Variants in ANGPT1 observed in about 807,000 individuals in gnomAD.
ANGPT1 encodes angiopoietin-1.
In ANGPT1, 17 loss-of-function variants were observed where a neutral mutation model predicts 62.2. That is an observed-to-expected ratio of 0.27 (90% CI 0.19 to 0.41). ANGPT1 has a LOEUF of 0.41. Ranked by LOEUF, ANGPT1 falls within the 10% of genes least tolerant of loss-of-function variation. The pLI is 1.00. For missense variants in ANGPT1, 478 were observed against 594.9 expected, an observed-to-expected ratio of 0.80 and a Z score of 2.04; for synonymous variants, 199 against 198.9, an observed-to-expected ratio of 1.00 and a Z score of 0.00.
intron 1 of ANGPT1, among the ~76,000 whole-genome samples, chr8:107,352,749 G>C (rs1359521909): frequency 1.3e-5 from 2 of 152,108 alleles, no homozygotes; most frequent in Non-Finnish European, 2.9e-5. Flanking sequence ...ATATGGTGCA[G>C]ATTAAATGGA....
rs1242068663 is a variant in ANGPT1 at position 107,479,810 on chromosome 8, T to C, written c.297+17452A>G. On this transcript the variant is annotated intron_variant, in intron 1 of 8. Transcript: ENST00000517746. ...AGCACTTCAATTTGATATTGTGGAA[T>C]TCAGAGTGTGGATGGTCTATGAAGC... Among the ~76,000 whole-genome samples the C allele has an allele frequency of 2.6e-5, 4 of 152,206 alleles. No individual in the cohort carries two copies. The East Asian group carries it at 7.7e-4, about 29-fold the overall frequency.
chr8:107,296,939 A>G (rs1280807307), intron 5 of ANGPT1, among the ~76,000 whole-genome samples: 3 of 152,046 alleles, frequency 2.0e-5, no homozygotes, highest in African/African-American at 7.2e-5. Context: ...TTAAAACTCT[A>G]TGCACTTAGT....
At chr8:107,321,675 C>T (rs1349875868) in intron 4 of ANGPT1, among the ~76,000 whole-genome samples, 1 of 152,060 alleles carries the variant, frequency 6.6e-6, no homozygotes, top group Non-Finnish European at 1.5e-5. Flanking sequence ...AAAGCTCTTT[C>T]AGAAAGACAT....
At chr8:107,355,643 C>T (rs1163659307) in intron 1 of ANGPT1, among the ~76,000 whole-genome samples, 1 of 152,058 alleles carries the variant, frequency 6.6e-6, no homozygotes, top group Non-Finnish European at 1.5e-5. Context: ...GACTTTGCTC[C>T]AACTGGAATG....
chr8:107,260,233 T>C (rs2130017214), intron 8 of ANGPT1, among the ~76,000 whole-genome samples: 1 of 152,226 alleles, frequency 6.6e-6, no homozygotes, highest in South Asian at 2.1e-4. Context: ...GATACCAGAT[T>C]CTCCAGCTAG....
chr8:107,353,851 A>C (rs956427866), intron 1 of ANGPT1, among the ~76,000 whole-genome samples: 2 of 152,026 alleles, frequency 1.3e-5, no homozygotes. Context: ...TCTGCCTCTG[A>C]CTATGTTTCT....
chr8:107,381,821 C>CAGGG, intron 1 of ANGPT1, among the ~76,000 whole-genome samples: 1 of 152,296 alleles, frequency 6.6e-6, no homozygotes, highest in South Asian at 2.1e-4. Context: ...GCAAGCCCTA[C>CAGGG]AGGGTATTAA....
In ANGPT1 at chr8:107,251,137, C is replaced by T. The variant is rs976228472; in HGVS notation, c.*718G>A. 6.6e-6 allele frequency: 1 copy of T among 152,046 alleles called. No homozygotes were observed. Among genetic ancestry groups the T allele is most frequent in the African/African-American group, 2.4e-5 (1 of 41,424 alleles). The allele number at this position is 152,046 out of a possible 1,614,324, so 9.4% of individuals were successfully genotyped here. A position where few individuals can be genotyped will look rare whatever the true frequency, so the allele number is the denominator to read the frequency against. On this transcript the variant is annotated 3_prime_UTR_variant, in exon 9 of 9. Coordinates refer to ENST00000517746, the MANE Select transcript of ANGPT1 (RefSeq NM_001146.5). ...ACATACATCCTTACTTGATTATGTTCATTTCTTTTTCTGAAAACTGTATCA... is the reference window on the plus strand; with the variant it reads ...ACATACATCCTTACTTGATTATGTTTATTTCTTTTTCTGAAAACTGTATCA...
rs186406242 is a variant in ANGPT1 at position 107,496,953 on chromosome 8, C to T, written c.297+309G>A. On this transcript the variant is annotated intron_variant, in intron 1 of 8. Coordinates refer to ENST00000517746, the MANE Select transcript of ANGPT1 (RefSeq NM_001146.5). ...TGCTTAAGAGGTACATACTTTCTTT[C>T]TTAAGGTAGTGTTTTGACAGAGAGA... Among the ~76,000 whole-genome samples, 113 of 152,180 alleles carry T rather than the reference C, an allele frequency of 7.4e-4. 1 individual carries two copies. Among genetic ancestry groups the T allele is most frequent in the Non-Finnish European group, 1.4e-3 (92 of 68,000 alleles).
At chr8:107,299,572 A>G (rs1296891010) in intron 5 of ANGPT1, among the ~76,000 whole-genome samples, 1 of 132,246 alleles carries the variant, frequency 7.6e-6, no homozygotes, top group Non-Finnish European at 1.6e-5. Flanking sequence ...ATAGATATAT[A>G]TAGCATATAT....
chr8:107,444,853 G>C (rs1432403449), intron 1 of ANGPT1, among the ~76,000 whole-genome samples: 1 of 152,092 alleles, frequency 6.6e-6, no homozygotes, highest in Non-Finnish European at 1.5e-5. Context: ...TTTCTGAAGG[G>C]CAGGGCACTC....
At chr8:107,347,141 C>T (rs769287164) in intron 1 of ANGPT1, 44 bp from the exon 2 acceptor site, 22 of 1,560,392 alleles carry the variant, frequency 1.4e-5, no homozygotes, top group Non-Finnish European at 1.9e-5. Flanking sequence ...ATAAGCAAGG[C>T]CTCCCAGTTC....
At chr8:107,476,054 A>G (rs1812517659) in intron 1 of ANGPT1, among the ~76,000 whole-genome samples, 2 of 152,222 alleles carry the variant, frequency 1.3e-5, no homozygotes, top group African/African-American at 4.8e-5. Flanking sequence ...AGAACTAGAA[A>G]TACCATTTGA....
In ANGPT1 at chr8:107,389,797, G is replaced by A. The variant is rs148326884; in HGVS notation, c.298-42700C>T. On this transcript the variant is annotated intron_variant, in intron 1 of 8. Transcript: ENST00000517746. ...GCACAGAGTAAATTCAAACAACAGC[G>A]TTTTAGAAAATAGTTGTGGCTACTC... Among the ~76,000 whole-genome samples, 312 of 152,148 alleles carry A rather than the reference G, an allele frequency of 2.1e-3. 1 individual carries two copies. The highest frequency in any genetic ancestry group is 6.5e-3 in the African/African-American group (270 of 41,522).
At chr8:107,373,798 T>C (rs757827012) in intron 1 of ANGPT1, among the ~76,000 whole-genome samples, 2 of 152,234 alleles carry the variant, frequency 1.3e-5, no homozygotes, top group Non-Finnish European at 2.9e-5. Context: ...TGTCTTATAA[T>C]GAAGTAGAAA....
chr8:107,468,381 T>G (rs1036223603), intron 1 of ANGPT1, among the ~76,000 whole-genome samples: 1 of 151,978 alleles, frequency 6.6e-6, no homozygotes, highest in African/African-American at 2.4e-5. Flanking sequence ...AATTAAAAAG[T>G]CAGATCAAAC....
intron 1 of ANGPT1, among the ~76,000 whole-genome samples, chr8:107,354,525 A>G (rs1026836806): frequency 1.3e-5 from 2 of 152,188 alleles, no homozygotes; most frequent in African/African-American, 4.8e-5. Context: ...TATAAAGTAC[A>G]AGAGTCTATA....
intron 1 of ANGPT1, among the ~76,000 whole-genome samples, chr8:107,388,599 G>A (rs966465534): frequency 6.6e-6 from 1 of 151,980 alleles, no homozygotes; most frequent in Non-Finnish European, 1.5e-5. Context: ...TGATTATACC[G>A]TTCCTGTACA....
intron 1 of ANGPT1, among the ~76,000 whole-genome samples, chr8:107,413,369 A>G (rs1415436791): frequency 1.3e-5 from 2 of 152,022 alleles, no homozygotes; most frequent in Non-Finnish European, 2.9e-5. Context: ...TTCTGTAGCT[A>G]TTTTGCTCCT....
Sources: gnomAD v4.1 joint callset for allele counts (sites outside exome capture counted in the v4.1 genomes callset) on GRCh38, gnomAD v4.1.1 for gene constraint, MANE v1.5 for transcripts, NCBI Gene and HGNC (gene_info 2026-07-23, HGNC 2026-07-21) for gene names.